Variants in ZNF638 observed in about 807,000 individuals in gnomAD.
ZNF638 encodes the protein CTCL tumor antigen se33-1.
ZNF638 carries 46 observed loss-of-function variants against 195.6 expected under a neutral mutation model. That is an observed-to-expected ratio of 0.24 (90% CI 0.19 to 0.30). ZNF638 has a LOEUF of 0.30. Among genes scored for constraint, ZNF638 ranks in the 10% least tolerant of loss-of-function variants. The pLI is 1.00. For missense variants in ZNF638, 2,440 were observed against 2,325.3 expected (o/e 1.05, Z -1.01); for synonymous variants, 845 against 772.0 (o/e 1.09, Z -1.57).
Position 71,408,220 on chromosome 2 carries a change from A to G in ZNF638, c.3234A>G (p.Ser1078=). The G allele has an allele frequency of 1.2e-6, 2 of 1,612,806 alleles. No homozygotes were observed. Among genetic ancestry groups the G allele is most frequent in the South Asian group, 1.1e-5 (1 of 90,846 alleles). ...QNIGDHMLTC[S]LSPKIDLPEV... Reference sequence around the variant, plus strand: ...TTGGTGACCATATGTTGACCTGCTCATTATCTCCAAAGATAGACTTACCAG... The same window carrying G: ...TTGGTGACCATATGTTGACCTGCTCGTTATCTCCAAAGATAGACTTACCAG... The change falls in exon 20 of 28, where the codon TCA becomes TCG. Residue 1078 remains serine (S), a synonymous_variant. Transcript: ENST00000264447.
chr2:71,347,814 A>C (rs1215058325), intron 1 of ZNF638, among the ~76,000 whole-genome samples: 1 of 152,218 alleles, frequency 6.6e-6, no homozygotes, highest in African/African-American at 2.4e-5. Context: ...ACTTTTACTC[A>C]CATCTGTTAA....
At chr2:71,358,957 G>A (rs1374277989) in intron 3 of ZNF638, among the ~76,000 whole-genome samples, 3 of 152,160 alleles carry the variant, frequency 2.0e-5, no homozygotes, top group African/African-American at 7.2e-5. Context: ...TAGCAATAAA[G>A]TACTTTTTAA....
rs1257931410 is a variant in ZNF638 at position 71,423,318 on chromosome 2, T to C, written c.3804T>C (p.Asn1268=). The change falls in exon 22 of 28, where the codon AAT becomes AAC. Residue 1268 remains asparagine (N), a synonymous_variant. Transcript: ENST00000264447. ...AAGCTGTAGCTGAAGTAGAAAAAAA[T>C]GAAACTGTTTCGGAAATATTGCCAT... is the stretch of plus-strand genomic sequence containing the variant. ...MVEAVAEVEK[N]ETVSEILPST... is the part of the protein sequence containing the mutation. 14 of 1,613,576 alleles carry C rather than the reference T, an allele frequency of 8.7e-6. No homozygotes were observed. The East Asian group carries it at 2.9e-4, about 33-fold the overall frequency.
At position 71,339,964 on chromosome 2, in the gene ZNF638, A is replaced by G. The variant is rs566339254; in HGVS notation, c.-203+8089A>G. Among the ~76,000 whole-genome samples, 312 of 152,330 alleles carry G rather than the reference A, an allele frequency of 2.0e-3. 1 individual carries two copies. The highest frequency in any genetic ancestry group is 2.2e-3 in the Non-Finnish European group (153 of 68,030). On this transcript the variant is annotated intron_variant, in intron 1 of 27. Coordinates refer to ENST00000264447, the MANE Select transcript of ZNF638 (RefSeq NM_014497.5). ...TATGCAGGTCACATGCTCCTAAGAAATAAAAAGGTATATCTTACAATAGCC... is the reference window on the plus strand; with the variant it reads ...TATGCAGGTCACATGCTCCTAAGAAGTAAAAAGGTATATCTTACAATAGCC...
chr2:71,365,365 G>A (rs1423282882), intron 5 of ZNF638, 64 bp from the exon 6 acceptor site: 1 of 1,318,148 alleles, frequency 7.6e-7, no homozygotes, highest in Admixed American at 2.6e-5. Context: ...ATGTGATTAT[G>A]TCATGAGATG....
At chr2:71,387,208 A>G (rs1474136064) in intron 10 of ZNF638, among the ~76,000 whole-genome samples, 3 of 152,194 alleles carry the variant, frequency 2.0e-5, no homozygotes, top group South Asian at 4.1e-4. Flanking sequence ...TCGAAGATTT[A>G]GAGTAGTTTC....
Position 71,365,464 on chromosome 2 carries a change from T to C in ZNF638, c.1753T>C (p.Ser585Pro). The change falls in exon 6 of 28, where the codon TCT becomes CCT. Residue 585 changes from serine to proline, a missense_variant. Ser to Pro is a moderately conservative substitution (Grantham distance 74). Around this residue, in one of 5 missense-constraint regions of ZNF638, gnomAD observed 1,883 missense variants for 1,739.1 expected, o/e 1.08. Coordinates refer to ENST00000264447, the MANE Select transcript of ZNF638 (RefSeq NM_014497.5). ...KKALEDVVQR[S>P]GHGTEFNKQK... ...AGCATTAGAAGATGTAGTACAACGA[T>C]CTGGGCATGGGACAGAATTTAATAA... 1 of 1,612,288 alleles carries C rather than the reference T, an allele frequency of 6.2e-7. No individual in the cohort carries two copies. Among genetic ancestry groups the C allele is most frequent in the Admixed American group, 1.7e-5 (1 of 59,788 alleles).
intron 9 of ZNF638, 88 bp from the exon 10 acceptor site, chr2:71,380,425 C>T (rs564211232): frequency 1.1e-5 from 14 of 1,249,756 alleles, no homozygotes; most frequent in South Asian, 7.4e-5. Flanking sequence ...TTATTTTAAA[C>T]GTTTTTAGGT....
At chr2:71,378,424 C>T (rs2079475387) in intron 8 of ZNF638, among the ~76,000 whole-genome samples, 1 of 151,918 alleles carries the variant, frequency 6.6e-6, no homozygotes, top group Non-Finnish European at 1.5e-5. Flanking sequence ...CAAGAGTGCC[C>T]AAAAAGAACA....
Position 71,363,185 on chromosome 2 carries a change from C to G in ZNF638, c.1412C>G (p.Ser471Trp). 6.3e-7 allele frequency: 1 copy of G among 1,587,724 alleles called. No individual in the cohort carries two copies. Among genetic ancestry groups the G allele is most frequent in the South Asian group, 1.1e-5 (1 of 87,802 alleles). The change falls in exon 4 of 28, where the codon TCG becomes TGG. Residue 471 changes from serine to tryptophan, a missense_variant. Physicochemically the swap from Ser to Trp is radical, Grantham distance 177. Around this residue, in one of 5 missense-constraint regions of ZNF638, gnomAD observed 37 missense variants for 75.7 expected, o/e 0.49. Coordinates refer to ENST00000264447, the MANE Select transcript of ZNF638 (RefSeq NM_014497.5). ...YPDWNPEILP[S>W]RRNEGNRKEN... ...GATTGGAATCCTGAGATCCTCCCAT[C>G]GAGAAGGTAATTTTTAAAAATAGTA...
At chr2:71,396,006 C>T in intron 10 of ZNF638, 135 bp from the exon 11 acceptor site, 1 of 737,880 alleles carries the variant, frequency 1.4e-6, no homozygotes, top group South Asian at 1.6e-5. Flanking sequence ...CATAGTAATT[C>T]CATGGACATA....
chr2:71,427,239 A>T lies in ZNF638; in HGVS notation c.5370A>T (p.Leu1790Phe). The T allele has an allele frequency of 6.2e-7, 1 of 1,613,232 alleles. No homozygotes were observed. Among genetic ancestry groups the T allele is most frequent in the South Asian group, 1.1e-5 (1 of 90,900 alleles). The part of the protein sequence containing the change: ...VGEEEDGDND[L>F]KVELAQSKND... ...AGGAGGAAGATGGAGATAATGATTT[A>T]AAAGTTGAGTTAGCACAAAGCAAAA... Residue 1790 changes from leucine to phenylalanine, a missense_variant, in exon 24 of 28, where the codon TTA becomes TTT. Transcript: ENST00000264447.
In ZNF638 at chr2:71,331,800, G is replaced by A; in HGVS notation, c.-278G>A. 7 of 986,042 alleles carry A rather than the reference G, an allele frequency of 7.1e-6. No individual in the cohort carries two copies. The highest frequency in any genetic ancestry group is 8.4e-6 in the Non-Finnish European group (7 of 830,098). 61.1% of individuals were successfully genotyped at this position (986,042 alleles called of 1,614,324 possible). On this transcript the variant is annotated 5_prime_UTR_variant, in exon 1 of 28. Transcript: ENST00000264447. ...GCTCTTTGGAGGCGGTAGCGTTTTC[G>A]GCGTCGAGACTGGAGGCTGAGTGCT...
chr2:71,402,342 C>T (rs1433337920), intron 16 of ZNF638, among the ~76,000 whole-genome samples: 5 of 151,806 alleles, frequency 3.3e-5, no homozygotes, highest in Non-Finnish European at 7.4e-5. Flanking sequence ...TAATAGGAAA[C>T]GTTTTATATC....
chr2:71,341,041 G>C (rs999587024), intron 1 of ZNF638, among the ~76,000 whole-genome samples: 67 of 152,274 alleles, frequency 4.4e-4, no homozygotes, highest in African/African-American at 1.5e-3. Context: ...TATCTGTAAA[G>C]AAAATTAAGG....
chr2:71,348,404 G>A (rs2078887796), intron 1 of ZNF638: 1 of 999,352 alleles, frequency 1.0e-6, no homozygotes, highest in Non-Finnish European at 1.2e-6. Flanking sequence ...GTATTTTAAT[G>A]CCTTCATCTT....
At position 71,364,070 on chromosome 2, in the gene ZNF638, T is replaced by C. The variant is rs368420709; in HGVS notation, c.1535T>C (p.Met512Thr). Residue 512 changes from methionine (M) to threonine (T), a missense_variant, in exon 5 of 28, where the codon ATG (methionine) becomes ACG (threonine). Physicochemically the swap from Met to Thr is moderately conservative, Grantham distance 81. Transcript: ENST00000264447. ...AGATTCCGTCGGTCTCGAAGCCCAATGCATTACATGTATAGGCCGAGAAGT... is the reference window on the plus strand; with the variant it reads ...AGATTCCGTCGGTCTCGAAGCCCAACGCATTACATGTATAGGCCGAGAAGT... ...SHRFRRSRSPMHYMYRPRSRS... is the reference protein window; with the variant it reads ...SHRFRRSRSPTHYMYRPRSRS... 26 of 1,614,062 alleles carry C rather than the reference T, an allele frequency of 1.6e-5. No individual in the cohort carries two copies. The highest frequency in any genetic ancestry group is 1.0e-4 in the Admixed American group (6 of 60,002).
intron 27 of ZNF638, chr2:71,433,625 T>G (rs1030819970): frequency 9.9e-5 from 17 of 172,374 alleles, no homozygotes; most frequent in African/African-American, 3.8e-4. Context: ...GAATCCTGGT[T>G]AACTTCATGC....
At chr2:71,406,075 C>G (rs1050898861) in intron 18 of ZNF638, 53 bp from the exon 19 acceptor site, 7 of 1,599,320 alleles carry the variant, frequency 4.4e-6, no homozygotes, top group Admixed American at 1.7e-5. Flanking sequence ...TCTGTTTTAC[C>G]GTTTGTTGCT....
Sources: gnomAD v4.1 joint callset for allele counts (sites outside exome capture counted in the v4.1 genomes callset) on GRCh38, gnomAD v4.1.1 for gene constraint, gnomAD v4.1.1 regional missense constraint, MANE v1.5 for transcripts, NCBI Gene and HGNC (gene_info 2026-07-23, HGNC 2026-07-21) for gene names.